Variants in ERBB4 observed in about 807,000 individuals in gnomAD.
ERBB4 encodes the protein receptor tyrosine-protein kinase erbB-4.
ERBB4 carries 42 observed loss-of-function variants against 158.0 expected under a neutral mutation model. The observed-to-expected ratio is 0.27, with a 90% confidence interval of 0.21 to 0.34. ERBB4 has a LOEUF of 0.34. Ranked by LOEUF, ERBB4 falls within the 10% of genes least tolerant of loss-of-function variation. The pLI is 1.00. For synonymous variants in ERBB4, 583 were observed against 558.7 expected, an observed-to-expected ratio of 1.04 and a Z score of -0.61; for missense variants, 1,333 against 1,624.1, an observed-to-expected ratio of 0.82 and a Z score of 3.08.
chr2:212,062,423 TTTTTTTTTTTTTTG>T (rs2077806591), intron 2 of ERBB4, among the ~76,000 whole-genome samples: 1 of 87,596 alleles, frequency 1.1e-5, no homozygotes, highest in Non-Finnish European at 2.2e-5. Flanking sequence ...TTTTTTTTTT[TTTTTTTTTTTTTTG>T]AGATGGAGTC....
intron 12 of ERBB4, among the ~76,000 whole-genome samples, chr2:211,682,750 T>A (rs971771560): frequency 6.6e-6 from 1 of 152,226 alleles, no homozygotes; most frequent in Admixed American, 6.5e-5. Flanking sequence ...ACTTTTAATG[T>A]ACTTGTGCTT....
chr2:212,399,637 G>A (rs1250231486), intron 1 of ERBB4, among the ~76,000 whole-genome samples: 3 of 142,244 alleles, frequency 2.1e-5, no homozygotes, highest in Non-Finnish European at 4.5e-5. Context: ...GGTCGAGGTG[G>A]GTGGATCACC....
intron 1 of ERBB4, among the ~76,000 whole-genome samples, chr2:212,260,911 T>A (rs771208894): frequency 2.6e-5 from 4 of 152,184 alleles, no homozygotes; most frequent in Non-Finnish European, 5.9e-5. Context: ...GAAATTATTA[T>A]TCTGAAAGAA....
chr2:211,700,102 G>T (rs2073176395), intron 12 of ERBB4, among the ~76,000 whole-genome samples: 1 of 151,958 alleles, frequency 6.6e-6, no homozygotes, highest in South Asian at 2.1e-4. Context: ...AAAGGTAGTG[G>T]TACTAATTTT....
intron 20 of ERBB4, among the ~76,000 whole-genome samples, chr2:211,482,476 A>C (rs2065107630): frequency 6.6e-6 from 1 of 152,210 alleles, no homozygotes; most frequent in Non-Finnish European, 1.5e-5. Context: ...AGCATCTCAG[A>C]AGAAAGTTCA....
intron 3 of ERBB4, among the ~76,000 whole-genome samples, chr2:211,803,335 T>C (rs911953081): frequency 1.3e-5 from 2 of 152,194 alleles, no homozygotes; most frequent in Non-Finnish European, 2.9e-5. Context: ...CTTCCTATAA[T>C]TTTATCAGTA....
At chr2:212,051,721 C>A (rs1331535657) in intron 2 of ERBB4, among the ~76,000 whole-genome samples, 1 of 152,180 alleles carries the variant, frequency 6.6e-6, no homozygotes, top group Middle Eastern at 3.4e-3. Flanking sequence ...TGGCTTCCCC[C>A]ATAGATTTTG....
chr2:211,918,666 G>C (rs1171725475), intron 3 of ERBB4, among the ~76,000 whole-genome samples: 1 of 152,092 alleles, frequency 6.6e-6, no homozygotes, highest in Non-Finnish European at 1.5e-5. Context: ...TCTGAAGTTA[G>C]ATTTGGCCAA....
intron 1 of ERBB4, among the ~76,000 whole-genome samples, chr2:212,335,047 T>A (rs1443003868): frequency 3.9e-5 from 6 of 151,990 alleles, no homozygotes; most frequent in Non-Finnish European, 7.4e-5. Flanking sequence ...TACCAGTTTT[T>A]ACCATTACAT....
intron 1 of ERBB4, among the ~76,000 whole-genome samples, chr2:212,200,891 T>C (rs1174029975): frequency 2.6e-5 from 4 of 152,144 alleles, no homozygotes; most frequent in African/African-American, 7.2e-5. Context: ...GTGTTAAATA[T>C]GGTCTACATC....
intron 3 of ERBB4, among the ~76,000 whole-genome samples, chr2:211,915,407 T>G (rs570384371): frequency 7.3e-5 from 11 of 150,144 alleles, no homozygotes; most frequent in African/African-American, 2.4e-4. Flanking sequence ...AAATAGCACA[T>G]AGAAGGCAAA....
At chr2:212,041,974 G>A (rs1299700279) in intron 2 of ERBB4, among the ~76,000 whole-genome samples, 3 of 152,022 alleles carry the variant, frequency 2.0e-5, no homozygotes, top group African/African-American at 4.8e-5. Context: ...ATTAGCTGAT[G>A]AGCAATTAAA....
chr2:211,760,613 T>C (rs1417145870), intron 4 of ERBB4, among the ~76,000 whole-genome samples: 1 of 152,178 alleles, frequency 6.6e-6, no homozygotes, highest in Non-Finnish European at 1.5e-5. Flanking sequence ...TGAGACACAT[T>C]AGAATTTCAA....
intron 2 of ERBB4, among the ~76,000 whole-genome samples, chr2:212,020,524 T>C: frequency 6.6e-6 from 1 of 152,262 alleles, no homozygotes; most frequent in Middle Eastern, 3.4e-3. Context: ...ATATATCTAT[T>C]GGTATATACG....
At chr2:211,394,372 T>C (rs892016307) in intron 25 of ERBB4, among the ~76,000 whole-genome samples, 1 of 152,168 alleles carries the variant, frequency 6.6e-6, no homozygotes, top group Non-Finnish European at 1.5e-5. Flanking sequence ...ATTTTTGTAT[T>C]GTTTGGTTGG....
intron 1 of ERBB4, among the ~76,000 whole-genome samples, chr2:212,471,610 T>C (rs2106118857): frequency 6.6e-6 from 1 of 152,044 alleles, no homozygotes; most frequent in East Asian, 1.9e-4. Context: ...TAAGACCAGA[T>C]TGTTTTTAAA....
rs531729120 is a variant in ERBB4 at position 212,095,353 on chromosome 2, C to G, written c.234+29399G>C. On this transcript the variant is annotated intron_variant, in intron 2 of 27. Coordinates refer to ENST00000342788, the MANE Select transcript of ERBB4 (RefSeq NM_005235.3). ...CCAAGCTTTCTCCCGGGATCCATTT[C>G]TAAGGAATTCATAATAGAGGTGATA... Among the ~76,000 whole-genome samples the G allele has an allele frequency of 3.9e-5, 6 of 152,244 alleles. No homozygotes were observed. In the East Asian group the frequency reaches 1.2e-3, roughly 29 times the overall value.
intron 2 of ERBB4, among the ~76,000 whole-genome samples, chr2:212,083,466 A>G (rs112479865): frequency 7.4e-4 from 113 of 152,134 alleles, no homozygotes; most frequent in African/African-American, 2.6e-3. Flanking sequence ...GGAATAAATA[A>G]CATGCAAATG....
intron 1 of ERBB4, among the ~76,000 whole-genome samples, chr2:212,215,063 A>G (rs2083057236): frequency 6.6e-6 from 1 of 151,660 alleles, no homozygotes; most frequent in Admixed American, 6.6e-5. Context: ...TTAAGGAATC[A>G]GGTTGTGATA....
Sources: gnomAD v4.1 joint callset for allele counts (sites outside exome capture counted in the v4.1 genomes callset) on GRCh38, gnomAD v4.1.1 for gene constraint, MANE v1.5 for transcripts, NCBI Gene and HGNC (gene_info 2026-07-23, HGNC 2026-07-21) for gene names.